The following DRAM1 variants were observed in gnomAD, a reference collection of about 807,000 sequenced individuals.
DRAM1 encodes the protein DNA damage regulated autophagy modulator 1.
Under a neutral mutation model 28.5 loss-of-function variants are expected in DRAM1, and 25 were observed. The observed-to-expected ratio is 0.88, with a 90% confidence interval of 0.64 to 1.23. The LOEUF is 1.23. Ranked by LOEUF, DRAM1 falls within the 50% of genes most tolerant of loss-of-function variation. DRAM1 has a pLI of 0.00. For missense variants in DRAM1, 249 were observed against 299.2 expected, an observed-to-expected ratio of 0.83 and a Z score of 1.24; for synonymous variants, 113 against 114.2, an observed-to-expected ratio of 0.99 and a Z score of 0.07.
intron 4 of DRAM1, among the ~76,000 whole-genome samples, chr12:101,909,828 C>A (rs1873972639): frequency 6.6e-6 from 1 of 152,116 alleles, no homozygotes; most frequent in Admixed American, 6.6e-5. Context: ...AAGCCGTGGT[C>A]TTAAAGAGTT....
In DRAM1 at chr12:101,921,851, C is replaced by T. The variant is rs1874497179; in HGVS notation, c.*591C>T. On this transcript the variant is annotated 3_prime_UTR_variant, in exon 7 of 7. Transcript: ENST00000258534. ...GTGCTTCTACTGAGAGGCCTTTATA[C>T]CACCATGTACAGTAACTCTAAGTGA... The T allele has an allele frequency of 6.6e-6, 1 of 152,380 alleles. No homozygotes were observed. Among genetic ancestry groups the T allele is most frequent in the Non-Finnish European group, 1.5e-5 (1 of 68,222 alleles). 9.4% of individuals were successfully genotyped at this position (152,380 alleles called of 1,614,324 possible).
At chr12:101,894,428 T>A (rs1399792902) in intron 1 of DRAM1, among the ~76,000 whole-genome samples, 2 of 152,056 alleles carry the variant, frequency 1.3e-5, no homozygotes, top group African/African-American at 4.8e-5. Context: ...ATTTTTGTAT[T>A]TTTTGTAGAG....
At chr12:101,910,166 A>G (rs1229517962) in intron 4 of DRAM1, among the ~76,000 whole-genome samples, 2 of 152,220 alleles carry the variant, frequency 1.3e-5, no homozygotes, top group African/African-American at 2.4e-5. Flanking sequence ...GCCAAATCCT[A>G]GTACCGAGAA....
rs141654064 is a variant in DRAM1 at position 101,884,856 on chromosome 12, T to A, written c.131+6936T>A. ...AGGAAAATAACGATTTTAACTTGCA[T>A]TTATGTAACAATCACAAATTTTGGG... is the stretch of plus-strand genomic sequence containing the variant. On this transcript the variant is annotated intron_variant, in intron 1 of 6. Transcript: ENST00000258534. 1.4e-3 allele frequency among the ~76,000 whole-genome samples: 212 copies of A among 152,352 alleles called. 1 individual carries two copies. The highest frequency in any genetic ancestry group is 4.7e-3 in the African/African-American group (195 of 41,582).
intron 1 of DRAM1, among the ~76,000 whole-genome samples, chr12:101,885,262 T>C (rs1020109332): frequency 6.6e-6 from 1 of 152,206 alleles, no homozygotes; most frequent in Non-Finnish European, 1.5e-5. Context: ...TAGTAAGTCT[T>C]TCATTTCACA....
At chr12:101,885,525 CTTTTTTTTTTTT>C (rs11342964) in intron 1 of DRAM1, among the ~76,000 whole-genome samples, 2 of 96,410 alleles carry the variant, frequency 2.1e-5, no homozygotes, top group African/African-American at 4.3e-5. Flanking sequence ...TCCCACTGGA[CTTTTTTTTTTTT>C]TTTTTTTTTT....
At chr12:101,916,998 G>A (rs78249154) in intron 5 of DRAM1, among the ~76,000 whole-genome samples, 4,745 of 152,326 alleles carry the variant, frequency 0.031, 258 homozygotes, top group African/African-American at 0.11. Flanking sequence ...GAGGAGATAC[G>A]ATCCCAGAGA....
At chr12:101,900,575 A>G (rs1321105520) in intron 2 of DRAM1, among the ~76,000 whole-genome samples, 1 of 152,230 alleles carries the variant, frequency 6.6e-6, no homozygotes, top group African/African-American at 2.4e-5. Context: ...CAGTAGATAT[A>G]CTGAAAGTTG....
At chr12:101,900,325 A>C (rs1004608271) in intron 2 of DRAM1, among the ~76,000 whole-genome samples, 15 of 152,242 alleles carry the variant, frequency 9.9e-5, no homozygotes, top group Non-Finnish European at 2.2e-4. Context: ...CACAAAACGC[A>C]GAAGAATTGA....
At chr12:101,886,364 A>G (rs958206976) in intron 1 of DRAM1, among the ~76,000 whole-genome samples, 1 of 152,192 alleles carries the variant, frequency 6.6e-6, no homozygotes, top group Admixed American at 6.5e-5. Flanking sequence ...TAATAATTGC[A>G]CGTACTTCAT....
chr12:101,919,892 G>A (rs1024830210), intron 5 of DRAM1: 3 of 374,522 alleles, frequency 8.0e-6, no homozygotes, highest in African/African-American at 4.2e-5. Context: ...GAGTTTGTGC[G>A]AGCCAGAAAG....
In DRAM1 at chr12:101,914,183, G is replaced by T. The variant is rs534346562; in HGVS notation, c.530G>T (p.Cys177Phe). The T allele has an allele frequency of 1.9e-6, 3 of 1,608,416 alleles. No individual in the cohort carries two copies. The Admixed American group carries it at 5.2e-5, about 28-fold the overall frequency. Residue 177 changes from cysteine to phenylalanine, a missense_variant, in exon 5 of 7, where the codon TGT becomes TTT. Transcript: ENST00000258534. ...TGTTTACTTCTTTCAGTGATTGTCT[G>T]TGCTTCACTAATTTCCATAACCAAG... ...SCAAVIPMIV[C>F]ASLISITKLE...
chr12:101,903,249 G>C (rs1013920173), intron 3 of DRAM1, among the ~76,000 whole-genome samples: 15 of 152,262 alleles, frequency 9.9e-5, no homozygotes, highest in African/African-American at 3.6e-4. Context: ...TCACATTTTT[G>C]AGAATTTCAC....
chr12:101,880,552 G>C (rs1203112688), intron 1 of DRAM1, among the ~76,000 whole-genome samples: 1 of 152,040 alleles, frequency 6.6e-6, no homozygotes, highest in African/African-American at 2.4e-5. Flanking sequence ...GCCTCCTAAA[G>C]TGTTGGGATT....
chr12:101,911,850 C>T (rs531594586), intron 4 of DRAM1, among the ~76,000 whole-genome samples: 4 of 152,060 alleles, frequency 2.6e-5, no homozygotes, highest in Admixed American at 2.0e-4. Flanking sequence ...ATATGTTTTG[C>T]ATATTATGTA....
At chr12:101,881,140 C>T (rs963628277) in intron 1 of DRAM1, among the ~76,000 whole-genome samples, 3 of 152,114 alleles carry the variant, frequency 2.0e-5, no homozygotes, top group African/African-American at 4.8e-5. Context: ...ATTAGCTGAG[C>T]GTGGTGGCAC....
At position 101,901,386 on chromosome 12, in the gene DRAM1, C is replaced by T; in HGVS notation, c.295C>T (p.Leu99Phe). ...TPVFNLVSLV[L>F]GLVGCFGMGI... ...TGTTTTTAACTTGGTGTCTTTAGTG[C>T]TTGGATTGGTGGGATGTTTCGGAAT... is the stretch of plus-strand genomic sequence containing the variant. Residue 99 changes from leucine to phenylalanine, a missense_variant, in exon 3 of 7, where the codon CTT becomes TTT. Leu to Phe is a conservative substitution (Grantham distance 22, BLOSUM62 0). Around this residue, in one of 3 missense-constraint regions of DRAM1, gnomAD observed 218 missense variants for 243.1 expected, o/e 0.90. Coordinates refer to ENST00000258534, the MANE Select transcript of DRAM1 (RefSeq NM_018370.3). 3.7e-6 allele frequency: 6 copies of T among 1,613,982 alleles called. No homozygotes were observed. Among genetic ancestry groups the T allele is most frequent in the Non-Finnish European group, 4.2e-6 (5 of 1,180,022 alleles).
chr12:101,903,842 A>T (rs138164204), intron 3 of DRAM1, among the ~76,000 whole-genome samples: 15 of 151,276 alleles, frequency 9.9e-5, no homozygotes, highest in African/African-American at 3.4e-4. Flanking sequence ...GGCAGGAGGA[A>T]TGCTTTAGCC....
chr12:101,913,285 C>T (rs1417819065), intron 4 of DRAM1, among the ~76,000 whole-genome samples: 2 of 152,128 alleles, frequency 1.3e-5, no homozygotes, highest in African/African-American at 2.4e-5. Context: ...AAGGGCTCAC[C>T]TTATACCCAA....
Sources: gnomAD v4.1 joint callset for allele counts (sites outside exome capture counted in the v4.1 genomes callset) on GRCh38, gnomAD v4.1.1 for gene constraint, gnomAD v4.1.1 regional missense constraint, MANE v1.5 for transcripts, NCBI Gene and HGNC (gene_info 2026-07-23, HGNC 2026-07-21) for gene names.